PCED1B: variants seen among roughly 807,000 people sequenced by gnomAD.
PCED1B encodes PC-esterase domain-containing protein 1B.
For synonymous variants in PCED1B, 251 were observed against 246.1 expected, an observed-to-expected ratio of 1.02 and a Z score of -0.19; for missense variants, 573 against 573.9, an observed-to-expected ratio of 1.00 and a Z score of 0.02.
chr12:47,209,060 A>G (rs1050259761), intron 2 of PCED1B: 5 of 152,372 alleles, frequency 3.3e-5, no homozygotes, highest in African/African-American at 1.2e-4. Context: ...TGTGGCATCT[A>G]TGCTGCTCAG....
At chr12:47,084,961 T>C (rs1369324049) in intron 1 of PCED1B, among the ~76,000 whole-genome samples, 1 of 152,170 alleles carries the variant, frequency 6.6e-6, no homozygotes, top group Non-Finnish European at 1.5e-5. Context: ...ACATCTCTTC[T>C]GGCAAATCCC....
At chr12:47,137,204 T>C (rs1940409356) in intron 2 of PCED1B, among the ~76,000 whole-genome samples, 1 of 152,216 alleles carries the variant, frequency 6.6e-6, no homozygotes, top group South Asian at 2.1e-4. Flanking sequence ...ATGATATGAA[T>C]ATAAACAAAG....
Position 47,203,084 on chromosome 12 carries a change from C to A in PCED1B, c.-525-13138C>A, listed in dbSNP as rs553092342. Among the ~76,000 whole-genome samples the A allele has an allele frequency of 8.2e-4, 125 of 151,798 alleles. 1 individual carries two copies. Among genetic ancestry groups the A allele is most frequent in the Non-Finnish European group, 1.5e-3 (101 of 67,990 alleles). ...TCTTAGATTCAAAAGATTCTCCTGC[C>A]TCAGCCCCCCAAGTAACTGGGACTA... On this transcript the variant is annotated intron_variant, in intron 2 of 3. Coordinates refer to ENST00000546455, the MANE Select transcript of PCED1B (RefSeq NM_138371.3).
intron 2 of PCED1B, among the ~76,000 whole-genome samples, chr12:47,177,257 C>T (rs1034841721): frequency 6.6e-6 from 1 of 152,226 alleles, no homozygotes; most frequent in Non-Finnish European, 1.5e-5. Context: ...ACTGGAAGGA[C>T]TGGCAGTGCC....
chr12:47,191,436 T>G (rs184865150), intron 2 of PCED1B, among the ~76,000 whole-genome samples: 1 of 152,198 alleles, frequency 6.6e-6, no homozygotes, highest in Non-Finnish European at 1.5e-5. Context: ...TTCTATAAGA[T>G]CTCAAAAGAT....
At chr12:47,080,368 C>G (rs952741573) in intron 1 of PCED1B, among the ~76,000 whole-genome samples, 3 of 152,230 alleles carry the variant, frequency 2.0e-5, no homozygotes, top group African/African-American at 7.2e-5. Context: ...AAGGAATCCC[C>G]GGACCTCTTA....
chr12:47,169,927 T>C (rs1444159296), intron 2 of PCED1B, among the ~76,000 whole-genome samples: 1 of 150,434 alleles, frequency 6.6e-6, no homozygotes, highest in Non-Finnish European at 1.5e-5. Flanking sequence ...AGTATCATTC[T>C]TGGGTGTTTC....
intron 3 of PCED1B, chr12:47,223,435 A>G (rs1002917348): frequency 2.0e-5 from 3 of 152,144 alleles, no homozygotes; most frequent in African/African-American, 7.2e-5. Context: ...CAGTGCAAGC[A>G]AGTTTTTTTT....
intron 1 of PCED1B, among the ~76,000 whole-genome samples, chr12:47,103,237 T>C (rs536073046): frequency 1.3e-5 from 2 of 152,350 alleles, no homozygotes; most frequent in South Asian, 4.1e-4. Context: ...TGCATATTTA[T>C]AGGTCACGCA....
chr12:47,207,667 C>A (rs563019869), intron 2 of PCED1B, among the ~76,000 whole-genome samples: 1 of 152,210 alleles, frequency 6.6e-6, no homozygotes, highest in Non-Finnish European at 1.5e-5. Flanking sequence ...ATCTTCCTTA[C>A]ACAAATATGT....
At chr12:47,085,054 G>C (rs1232423041) in intron 1 of PCED1B, among the ~76,000 whole-genome samples, 2 of 152,224 alleles carry the variant, frequency 1.3e-5, no homozygotes, top group Non-Finnish European at 2.9e-5. Flanking sequence ...TAAGGCACGA[G>C]AATCGCTTGA....
At chr12:47,199,885 A>C (rs932299498) in intron 2 of PCED1B, among the ~76,000 whole-genome samples, 1 of 152,370 alleles carries the variant, frequency 6.6e-6, no homozygotes, top group Middle Eastern at 3.4e-3. Context: ...CTTCAATAAA[A>C]CTAAGAACTT....
chr12:47,104,449 C>G (rs879539259), intron 2 of PCED1B, among the ~76,000 whole-genome samples: 3 of 152,206 alleles, frequency 2.0e-5, no homozygotes, highest in Non-Finnish European at 4.4e-5. Context: ...ATACTTACAA[C>G]AGTGTCTACC....
At chr12:47,226,587 C>G (rs1221295444) in intron 3 of PCED1B, among the ~76,000 whole-genome samples, 1 of 152,144 alleles carries the variant, frequency 6.6e-6, no homozygotes, top group Non-Finnish European at 1.5e-5. Flanking sequence ...GTTGGCCAGG[C>G]TGGTCTTGAA....
At chr12:47,197,110 G>A (rs1399975615) in intron 2 of PCED1B, among the ~76,000 whole-genome samples, 2 of 149,776 alleles carry the variant, frequency 1.3e-5, no homozygotes, top group Non-Finnish European at 3.0e-5. Context: ...ATGGTGGCGG[G>A]CACCTGTAAT....
intron 2 of PCED1B, among the ~76,000 whole-genome samples, chr12:47,198,944 C>A (rs1313768733): frequency 7.0e-6 from 1 of 142,410 alleles, no homozygotes. Context: ...CCAGCCTGGG[C>A]AACAAGAGCT....
At chr12:47,217,694 A>G (rs964984394) in intron 3 of PCED1B, among the ~76,000 whole-genome samples, 2 of 152,092 alleles carry the variant, frequency 1.3e-5, no homozygotes, top group African/African-American at 2.4e-5. Flanking sequence ...CTTGTGCCTC[A>G]GCCTCCCAAG....
chr12:47,156,839 G>A (rs141754319), intron 2 of PCED1B, among the ~76,000 whole-genome samples: 75 of 152,178 alleles, frequency 4.9e-4, no homozygotes, highest in African/African-American at 1.7e-3. Context: ...GCTCTCCTTC[G>A]TTACTTACTA....
At chr12:47,220,068 C>CA (rs763940625) in intron 3 of PCED1B, among the ~76,000 whole-genome samples, 2,349 of 103,626 alleles carry the variant, frequency 0.023, 70 homozygotes, top group African/African-American at 0.054. Flanking sequence ...GACACTGCCT[C>CA]AAAAAAAAAA....
Sources: gnomAD v4.1 joint callset for allele counts (sites outside exome capture counted in the v4.1 genomes callset) on GRCh38, gnomAD v4.1.1 for gene constraint, MANE v1.5 for transcripts, NCBI Gene and HGNC (gene_info 2026-07-23, HGNC 2026-07-21) for gene names.